The following GPR19 variants were observed in gnomAD, a reference collection of about 807,000 sequenced individuals.
GPR19 encodes probable G protein-coupled receptor 19.
In GPR19, 14 loss-of-function variants were observed where a neutral mutation model predicts 28.5. That is an observed-to-expected ratio of 0.49 (90% CI 0.32 to 0.77). GPR19 has a LOEUF of 0.77. Ranked by LOEUF, GPR19 falls within the 30% of genes least tolerant of loss-of-function variation. The pLI, the probability that GPR19 is intolerant of heterozygous loss-of-function variation, is 0.03. For missense variants in GPR19, 409 were observed against 504.1 expected, an observed-to-expected ratio of 0.81 and a Z score of 1.81; for synonymous variants, 173 against 184.1, an observed-to-expected ratio of 0.94 and a Z score of 0.49.
chr12:12,662,288 G>C lies in GPR19; in HGVS notation c.161C>G (p.Thr54Arg). ...GGGTTTCAGCACATAGTGAAGGTCT[G>C]TTTGGTTGCTCATCCAACTGTGCTC... ...SEEHSWMSNQ[T>R]DLHYVLKPGE... is the part of the protein sequence containing the mutation. The change falls in exon 4 of 4, where the codon ACA becomes AGA. Residue 54 changes from threonine to arginine, a missense_variant. Transcript: ENST00000651487. The C allele has an allele frequency of 6.2e-7, 1 of 1,614,242 alleles. No homozygotes were observed. Among genetic ancestry groups the C allele is most frequent in the East Asian group, 2.2e-5 (1 of 44,886 alleles).
the GPR19 span, among the ~76,000 whole-genome samples, chr12:12,712,603 A>G: frequency 1.3e-5 from 2 of 152,252 alleles, no homozygotes; most frequent in South Asian, 4.1e-4. Flanking sequence ...CACTTCTTCC[A>G]TGAGGCCTTC....
chr12:12,674,325 A>G (rs1242047048), intron 3 of GPR19, among the ~76,000 whole-genome samples: 1 of 142,974 alleles, frequency 7.0e-6, no homozygotes, highest in Non-Finnish European at 1.5e-5. Flanking sequence ...GGAGGCTCCC[A>G]GCTACTTGGG....
In GPR19 at chr12:12,661,436, C is replaced by T. The variant is rs372886181; in HGVS notation, c.1013G>A (p.Arg338Gln). ...TLYSIYNANF[R>Q]RGMKETFCMS... Reference sequence around the variant, plus strand: ...GCAAAAAGTCTCTTTCATCCCTCTCCGAAAATTGGCATTATAAATTGAATA... The same window carrying T: ...GCAAAAAGTCTCTTTCATCCCTCTCTGAAAATTGGCATTATAAATTGAATA... The change falls in exon 4 of 4, where the codon CGG (arginine) becomes CAG (glutamine). Residue 338 changes from arginine (R) to glutamine (Q), a missense_variant. By Grantham distance (43) the Arg-to-Gln change is conservative. Transcript: ENST00000651487. The surrounding 1 kb of genome is among the most constrained non-coding windows in gnomAD (Gnocchi z 4.2). 33 of 1,612,868 alleles carry T rather than the reference C, an allele frequency of 2.0e-5. No individual in the cohort carries two copies. Among genetic ancestry groups the T allele is most frequent in the East Asian group, 1.3e-4 (6 of 44,888 alleles).
chr12:12,680,869 A>C (rs1317098314), intron 3 of GPR19, among the ~76,000 whole-genome samples: 1 of 151,984 alleles, frequency 6.6e-6, no homozygotes, highest in East Asian at 1.9e-4. Context: ...TTGTATTTTT[A>C]GTAGAGATGG....
intron 3 of GPR19, among the ~76,000 whole-genome samples, chr12:12,683,458 G>C (rs569933390): frequency 3.9e-5 from 6 of 152,182 alleles, no homozygotes; most frequent in Admixed American, 3.3e-4. Flanking sequence ...GTCAAGTTTC[G>C]TAGGTCCAAA....
Position 12,673,396 on chromosome 12 carries a change from A to G in GPR19, c.-22-10926T>C, listed in dbSNP as rs577147727. Among the ~76,000 whole-genome samples, 30 of 152,312 alleles carry G rather than the reference A, an allele frequency of 2.0e-4. 1 individual carries two copies. The East Asian group carries it at 4.6e-3, about 23-fold the overall frequency. ...GGGTGGTATCTTCTGAGGTCAGGGG[A>G]AGTCCTGAGACTCACCGGGACATAG... On this transcript the variant is annotated intron_variant, in intron 3 of 3. Transcript: ENST00000651487.
At chr12:12,703,715 A>G in the GPR19 span, among the ~76,000 whole-genome samples, 1 of 152,154 alleles carries the variant, frequency 6.6e-6, no homozygotes, top group South Asian at 2.1e-4. Flanking sequence ...GTGCTGAGTT[A>G]GGAGCCCAAG....
intron 3 of GPR19, among the ~76,000 whole-genome samples, chr12:12,683,103 C>T (rs954187649): frequency 6.6e-6 from 1 of 152,034 alleles, no homozygotes; most frequent in Non-Finnish European, 1.5e-5. Flanking sequence ...TTTCTACGTT[C>T]GATTTTTTAA....
chr12:12,715,524 C>T, the GPR19 span, among the ~76,000 whole-genome samples: 1 of 152,204 alleles, frequency 6.6e-6, no homozygotes, highest in Non-Finnish European at 1.5e-5. Context: ...AAGACAGCTG[C>T]ATTTAAATAT....
upstream of GPR19, among the ~76,000 whole-genome samples, chr12:12,697,576 T>C (rs937890803): frequency 6.6e-6 from 1 of 152,210 alleles, no homozygotes; most frequent in Non-Finnish European, 1.5e-5. Context: ...TGTTTTTGAA[T>C]GGTGAATTTG....
At chr12:12,691,746 G>C (rs1485916918) in intron 2 of GPR19, among the ~76,000 whole-genome samples, 1 of 152,128 alleles carries the variant, frequency 6.6e-6, no homozygotes, top group Non-Finnish European at 1.5e-5. Flanking sequence ...GAATAAGCAT[G>C]ACTTTTGAGA....
At chr12:12,715,382 CT>C in the GPR19 span, among the ~76,000 whole-genome samples, 1 of 152,204 alleles carries the variant, frequency 6.6e-6, no homozygotes, top group Non-Finnish European at 1.5e-5. Flanking sequence ...TAGGTGAATT[CT>C]TTTCTGTCAG....
At chr12:12,693,612 C>A (rs546695049) in intron 2 of GPR19, among the ~76,000 whole-genome samples, 31 of 152,326 alleles carry the variant, frequency 2.0e-4, no homozygotes, top group African/African-American at 7.0e-4. Context: ...CAAATTAGTA[C>A]GTTAACCCCA....
chr12:12,663,222 A>G (rs1945706771), intron 3 of GPR19, among the ~76,000 whole-genome samples: 1 of 152,216 alleles, frequency 6.6e-6, no homozygotes, highest in Non-Finnish European at 1.5e-5. Context: ...CTGACTGAAG[A>G]ACATACAAGA....
Position 12,672,421 on chromosome 12 carries a change from T to A in GPR19, c.-22-9951A>T, listed in dbSNP as rs1164461374. Among the ~76,000 whole-genome samples the A allele has an allele frequency of 4.6e-5, 7 of 152,106 alleles. No homozygotes were observed. In the South Asian group the frequency reaches 1.2e-3, roughly 27 times the overall value. ...CTACATTCACACAAAATCTGAAAAG[T>A]AAGATACAATGTAAAAAAAACAAGT... On this transcript the variant is annotated intron_variant, in intron 3 of 3. Transcript: ENST00000651487.
chr12:12,661,891 T>C lies in GPR19; in HGVS notation c.558A>G (p.Ala186=), dbSNP rs777250033. The part of the protein sequence containing the change: ...SREKAKKMIA[A]SWVFDAGFVT... ...CAAAGCCTGCATCAAAGACCCACGA[T>C]GCCGCAATCATTTTCTTGGCTTTTT... The change falls in exon 4 of 4, where the codon GCA becomes GCG. Residue 186 remains alanine (A), a synonymous_variant. Transcript: ENST00000651487. This position sits in a 1 kb window ranked among gnomAD's most constrained non-coding sequence, Gnocchi z 4.2. 6.2e-7 allele frequency: 1 copy of C among 1,604,756 alleles called. No individual in the cohort carries two copies. The highest frequency in any genetic ancestry group is 8.5e-7 in the Non-Finnish European group (1 of 1,171,548).
At chr12:12,672,832 TC>T (rs1440399579) in intron 3 of GPR19, among the ~76,000 whole-genome samples, 1 of 152,194 alleles carries the variant, frequency 6.6e-6, no homozygotes, top group East Asian at 1.9e-4. Flanking sequence ...ATAACATTTA[TC>T]CATTTTTTAA....
the GPR19 span, among the ~76,000 whole-genome samples, chr12:12,709,865 C>T: frequency 1.3e-5 from 2 of 152,136 alleles, no homozygotes; most frequent in Non-Finnish European, 2.9e-5. Flanking sequence ...AAAAATTTGG[C>T]TAGCCAAGTT....
chr12:12,664,202 C>T (rs1025131460), intron 3 of GPR19, among the ~76,000 whole-genome samples: 2 of 152,114 alleles, frequency 1.3e-5, no homozygotes, highest in Non-Finnish European at 1.5e-5. Context: ...GTTGGCCAGG[C>T]TGGTCTTGAA....
Sources: gnomAD v4.1 joint callset for allele counts (sites outside exome capture counted in the v4.1 genomes callset) on GRCh38, gnomAD v4.1.1 for gene constraint, Gnocchi (gnomAD v3.1) non-coding constraint, MANE v1.5 for transcripts, NCBI Gene and HGNC (gene_info 2026-07-23, HGNC 2026-07-21) for gene names.